The following CACNA1G variants were observed in gnomAD, a reference collection of about 807,000 sequenced individuals.
CACNA1G encodes the protein calcium voltage-gated channel subunit alpha1 G.
A neutral mutation model predicts 219.4 loss-of-function variants in CACNA1G; 67 were observed. The observed-to-expected ratio is 0.31, with a 90% CI of 0.25 to 0.37. The LOEUF is 0.37. Among genes scored for constraint, CACNA1G ranks in the 10% least tolerant of loss-of-function variants. CACNA1G has a pLI of 1.00. For missense variants in CACNA1G, 2,380 were observed against 3,231.4 expected, an observed-to-expected ratio of 0.74 and a Z score of 6.39; for synonymous variants, 1,296 against 1,345.3, an observed-to-expected ratio of 0.96 and a Z score of 0.80.
intron 13 of CACNA1G, among the ~76,000 whole-genome samples, chr17:50,592,390 T>C (rs1291920058): frequency 6.6e-6 from 1 of 152,092 alleles, no homozygotes; most frequent in Non-Finnish European, 1.5e-5. Context: ...ACCAGATAAG[T>C]GTCTGCCTGT....
intron 7 of CACNA1G, chr17:50,573,601 A>G (rs2039953515): frequency 6.6e-6 from 1 of 152,572 alleles, no homozygotes; most frequent in African/African-American, 2.4e-5. Flanking sequence ...GCAATTGGCA[A>G]TTTGTTACTG....
intron 13 of CACNA1G, among the ~76,000 whole-genome samples, chr17:50,592,628 C>T (rs1418105552): frequency 1.3e-5 from 2 of 152,246 alleles, no homozygotes; most frequent in African/African-American, 4.8e-5. Flanking sequence ...GCTCCATCAC[C>T]TTCGTCACAG....
chr17:50,605,658 ACCCGCCTCCACCCTTTCCCACTG>A (rs1430955805), intron 22 of CACNA1G, among the ~76,000 whole-genome samples: 1 of 151,794 alleles, frequency 6.6e-6, no homozygotes, highest in African/African-American at 2.4e-5. Context: ...AATGACTGTT[ACCCGCCTCCACCCTTTCCCACTG>A]CCCGCCCCGA....
At position 50,571,703 on chromosome 17, in the gene CACNA1G, G is replaced by A. The variant is rs1420146013; in HGVS notation, c.587-175G>A. Among the ~76,000 whole-genome samples, 1 of 152,198 alleles carries A rather than the reference G, an allele frequency of 6.6e-6. No homozygotes were observed. The highest frequency in any genetic ancestry group is 2.4e-5 in the African/African-American group (1 of 41,448). ...CAAGGGGAAGTGGGTCGGGGCAAGG[G>A]GCTGCAGAGGCTATCTGGGGAGTCA... is the stretch of plus-strand genomic sequence containing the variant. On this transcript the variant is annotated intron_variant, in intron 4 of 37. Transcript: ENST00000359106. This position sits in a 1 kb window ranked among gnomAD's most constrained non-coding sequence, Gnocchi z 4.3.
At chr17:50,593,041 G>A (rs191289967) in intron 13 of CACNA1G, among the ~76,000 whole-genome samples, 46 of 152,264 alleles carry the variant, frequency 3.0e-4, no homozygotes, top group African/African-American at 9.9e-4. Context: ...CTTTCTCCCC[G>A]CTACCCTTTT....
intron 1 of CACNA1G, among the ~76,000 whole-genome samples, chr17:50,568,053 G>A (rs2038402486): frequency 2.0e-5 from 3 of 152,312 alleles, no homozygotes; most frequent in African/African-American, 4.8e-5. Context: ...ATATTTAAAT[G>A]TGTGAATATG....
rs746277206 is a variant in CACNA1G at position 50,599,785 on chromosome 17, G to A, written c.3616G>A (p.Gly1206Arg). The change falls in exon 17 of 38, where the codon GGG (glycine) becomes AGG (arginine). Residue 1206 changes from glycine to arginine, a missense_variant. This residue lies in a region of CACNA1G where 418 missense variants were observed against 434.3 expected (regional missense o/e 0.96). Transcript: ENST00000359106. Reference sequence around the variant, plus strand: ...GGACTGCAATGGCAAGTCGGCTTCAGGGCGCCTGGCCCGGGCCCTGCGGCC... The same window carrying A: ...GGACTGCAATGGCAAGTCGGCTTCAAGGCGCCTGGCCCGGGCCCTGCGGCC... Reference protein sequence around the residue: ...HQDCNGKSASGRLARALRPDD... With the variant: ...HQDCNGKSASRRLARALRPDD... 1.9e-6 allele frequency: 3 copies of A among 1,613,086 alleles called. No individual in the cohort carries two copies. In the African/African-American group the frequency reaches 4.0e-5, roughly 22 times the overall value.
rs1555655436 is a variant in CACNA1G at position 50,589,894 on chromosome 17, T to TCTCTC, written c.2302-577_2302-576insCTCTC. On this transcript the variant is annotated intron_variant, in intron 9 of 37. Transcript: ENST00000359106. ...TGTGTGACTGGGAATGCGTGCATTTTTCTCTCTCTCTCTCTCTCTGTGTGT... is the reference window on the plus strand; with the variant it reads ...TGTGTGACTGGGAATGCGTGCATTTTCTCTCTCTCTCTCTCTCTCTCTCTGTGTGT... 4.7e-3 allele frequency among the ~76,000 whole-genome samples: 646 copies of TCTCTC among 138,814 alleles called. 8 individuals carry two copies. The highest frequency in any genetic ancestry group is 0.024 in the South Asian group (93 of 3,894). The allele number at this position is 138,814 out of a possible 152,430, so 91.1% of individuals were successfully genotyped here. A position where few individuals can be genotyped will look rare whatever the true frequency, so the allele number is the denominator to read the frequency against.
In CACNA1G at chr17:50,587,857, G is replaced by A. The variant is rs376510426; in HGVS notation, c.2302-2614G>A. Among the ~76,000 whole-genome samples the A allele has an allele frequency of 1.1e-3, 160 of 152,240 alleles. 1 individual carries two copies. The highest frequency in any genetic ancestry group is 3.3e-3 in the African/African-American group (139 of 41,542). Reference sequence around the variant, plus strand: ...CATCATCCTTCTCCATAAGCCTCTCGGTGGTGTGCAGGAGAGTGAGGTGTG... The same window carrying A: ...CATCATCCTTCTCCATAAGCCTCTCAGTGGTGTGCAGGAGAGTGAGGTGTG... On this transcript the variant is annotated intron_variant, in intron 9 of 37. Transcript: ENST00000359106.
chr17:50,576,434 A>C, intron 8 of CACNA1G, 108 bp downstream of exon 8: 554 of 1,081,070 alleles, frequency 5.1e-4, no homozygotes, highest in Non-Finnish European at 7.0e-4. Flanking sequence ...TTATATTCTC[A>C]TGCTGCCTCT....
At position 50,572,646 on chromosome 17, in the gene CACNA1G, G is replaced by T; in HGVS notation, c.839G>T (p.Arg280Leu). ...ICSQPRENGM[R>L]SCRSVPTLRG... ...TCCCAGCCACGCGAGAACGGCATGC[G>T]GTCCTGCAGAAGCGTGCCCACGCTG... Residue 280 changes from arginine (R) to leucine (L), a missense_variant, in exon 6 of 38, where the codon CGG becomes CTG. Around this residue, in one of 17 missense-constraint regions of CACNA1G, gnomAD observed 68 missense variants for 85.3 expected, o/e 0.80. Transcript: ENST00000359106. The T allele has an allele frequency of 6.2e-7, 1 of 1,603,920 alleles. No homozygotes were observed. Among genetic ancestry groups the T allele is most frequent in the Non-Finnish European group, 8.5e-7 (1 of 1,175,416 alleles).
rs930863208 is a variant in CACNA1G, at chr17:50,622,295, G to A, written c.6060+501G>A. On this transcript the variant is annotated intron_variant, in intron 35 of 37. Transcript: ENST00000359106. ...TTGGAGCGCTGTTCCTGTCTCCTCC[G>A]TCACTGTCCCCGTGTGTCCCTGCGT... 7.2e-4 allele frequency among the ~76,000 whole-genome samples: 109 copies of A among 151,924 alleles called. 1 individual carries two copies. Among genetic ancestry groups the A allele is most frequent in the African/African-American group, 2.5e-3 (103 of 41,336 alleles).
chr17:50,588,633 G>T (rs1405039196), intron 9 of CACNA1G, among the ~76,000 whole-genome samples: 1 of 152,136 alleles, frequency 6.6e-6, no homozygotes, highest in Non-Finnish European at 1.5e-5. Context: ...AGGTGGCAGT[G>T]CCCCCACTCA....
rs2047190956 is a variant in CACNA1G at position 50,603,386 on chromosome 17, C to T, written c.4169+187C>T. On this transcript the variant is annotated intron_variant, in intron 21 of 37. Coordinates refer to ENST00000359106, the MANE Select transcript of CACNA1G (RefSeq NM_018896.5). The surrounding 1 kb of genome is among the most constrained non-coding windows in gnomAD (Gnocchi z 6.4). ...AGATTACGGCCGCAGTAATTTCCCT[C>T]CAGGTGCACACCTGCTTTCCTCCTC... Among the ~76,000 whole-genome samples the T allele has an allele frequency of 6.6e-6, 1 of 152,210 alleles. No individual in the cohort carries two copies. The highest frequency in any genetic ancestry group is 6.5e-5 in the Admixed American group (1 of 15,280).
intron 3 of CACNA1G, 74 bp downstream of exon 3, chr17:50,569,372 G>T: frequency 6.6e-7 from 1 of 1,516,188 alleles, no homozygotes. Flanking sequence ...TTCTGGGCCT[G>T]TGACCTCTCA....
rs1242692905 is a variant in CACNA1G, at chr17:50,600,343, C to T, written c.3691-383C>T. ...GTGAAGAGCAGGGCCAGTGTCTCCT[C>T]AGCTGAGGTGTGTCTCTGAACAGAC... On this transcript the variant is annotated intron_variant, in intron 17 of 37. Transcript: ENST00000359106. The surrounding 1 kb of genome is among the most constrained non-coding windows in gnomAD (Gnocchi z 4.1). Among the ~76,000 whole-genome samples, 1 of 152,192 alleles carries T rather than the reference C, an allele frequency of 6.6e-6. No homozygotes were observed. The highest frequency in any genetic ancestry group is 1.5e-5 in the Non-Finnish European group (1 of 68,036).
At chr17:50,601,231 A>C in intron 19 of CACNA1G, 57 bp downstream of exon 19, 1 of 1,594,130 alleles carries the variant, frequency 6.3e-7, no homozygotes, top group Non-Finnish European at 8.6e-7. Context: ...ACTCAGGACC[A>C]GTGAGGGAGG....
At chr17:50,619,600 C>G (rs185773609) in intron 33 of CACNA1G, 83 bp from the exon 34 acceptor site, 1 of 1,303,742 alleles carries the variant, frequency 7.7e-7, no homozygotes, top group Admixed American at 2.1e-5. Context: ...TCTTGTCAAT[C>G]CCCTTCCACG....
intron 16 of CACNA1G, 81 bp downstream of exon 16, chr17:50,597,004 T>C: frequency 7.6e-7 from 1 of 1,311,908 alleles, no homozygotes; most frequent in Non-Finnish European, 1.0e-6. Context: ...GGCAGGCGGG[T>C]CCAAGGGCAC....
Sources: allele counts gnomAD v4.1 joint callset (sites outside exome capture counted in the v4.1 genomes callset), GRCh38; gene constraint gnomAD v4.1.1; regional missense constraint gnomAD v4.1.1; non-coding constraint Gnocchi (gnomAD v3.1); transcripts MANE v1.5; gene names NCBI Gene and HGNC (gene_info 2026-07-23, HGNC 2026-07-21).